The following FBP1 variants were observed in gnomAD, a reference collection of about 807,000 sequenced individuals.
FBP1 encodes fructose-bisphosphatase 1.
FBP1 carries 22 observed loss-of-function variants against 29.9 expected under a neutral mutation model. That is an observed-to-expected ratio of 0.74 (90% CI 0.53 to 1.05). The LOEUF (loss-of-function observed/expected upper bound fraction) is 1.05, where lower values mean the gene tolerates loss of function less well. Ranked by LOEUF, FBP1 falls within the 50% of genes least tolerant of loss-of-function variation. The pLI is 0.00. For synonymous variants in FBP1, 175 were observed against 178.6 expected (o/e 0.98, Z 0.16); for missense variants, 345 against 448.2 (o/e 0.77, Z 2.08).
intron 1 of FBP1, among the ~76,000 whole-genome samples, chr9:94,629,043 G>A (rs535414782): frequency 1.3e-5 from 2 of 152,286 alleles, no homozygotes; most frequent in South Asian, 4.1e-4. Flanking sequence ...GTGCAATGGC[G>A]AGATCTTGGC....
upstream of FBP1, among the ~76,000 whole-genome samples, chr9:94,639,730 C>CA (rs1554682852): frequency 2.0e-4 from 30 of 149,548 alleles, no homozygotes; most frequent in African/African-American, 7.1e-4. Context: ...TGTCGCCCCC[C>CA]ACACACACCC....
intron 3 of FBP1, among the ~76,000 whole-genome samples, chr9:94,612,473 C>G (rs1827799390): frequency 6.6e-6 from 1 of 151,858 alleles, no homozygotes; most frequent in Non-Finnish European, 1.5e-5. Flanking sequence ...GTCTATGACC[C>G]ACATACTCAA....
intron 1 of FBP1, among the ~76,000 whole-genome samples, chr9:94,628,584 A>G (rs1828059048): frequency 1.3e-5 from 2 of 152,160 alleles, no homozygotes; most frequent in Non-Finnish European, 2.9e-5. Flanking sequence ...TACTGTTGGC[A>G]ACAGAATTTA....
chr9:94,632,210 G>A (rs1340733650), intron 1 of FBP1, among the ~76,000 whole-genome samples: 1 of 151,992 alleles, frequency 6.6e-6, no homozygotes, highest in African/African-American at 2.4e-5. Flanking sequence ...TAACTCTTCT[G>A]GACATAATAT....
chr9:94,629,797 A>G (rs762892361), intron 1 of FBP1, among the ~76,000 whole-genome samples: 6 of 152,144 alleles, frequency 3.9e-5, no homozygotes, highest in Non-Finnish European at 7.4e-5. Context: ...GAGGGAGGGC[A>G]CAGACAGGGC....
At chr9:94,612,880 C>G (rs1323316866) in intron 3 of FBP1, among the ~76,000 whole-genome samples, 1 of 152,128 alleles carries the variant, frequency 6.6e-6, no homozygotes, top group Non-Finnish European at 1.5e-5. Flanking sequence ...CAATGCATGC[C>G]TTTCCTCCAA....
intron 1 of FBP1, among the ~76,000 whole-genome samples, chr9:94,633,305 C>T (rs1390480387): frequency 6.6e-6 from 1 of 152,194 alleles, no homozygotes; most frequent in Non-Finnish European, 1.5e-5. Context: ...CTGGTTTTCC[C>T]ATATCCTATC....
chr9:94,613,508 T>C (rs1209653790), intron 3 of FBP1, among the ~76,000 whole-genome samples: 1 of 148,662 alleles, frequency 6.7e-6, no homozygotes, highest in African/African-American at 2.5e-5. Context: ...CTCATGCCCG[T>C]AATCCCAACA....
intron 1 of FBP1, among the ~76,000 whole-genome samples, chr9:94,626,019 G>A (rs926436509): frequency 2.0e-5 from 3 of 152,212 alleles, no homozygotes; most frequent in Non-Finnish European, 4.4e-5. Flanking sequence ...CCTGCTTCGC[G>A]TTTCCATGAC....
chr9:94,633,393 CTT>C (rs997489597), intron 1 of FBP1, among the ~76,000 whole-genome samples: 5 of 152,204 alleles, frequency 3.3e-5, no homozygotes, highest in Non-Finnish European at 1.5e-5. Context: ...ACTCAAAAAA[CTT>C]TCAAAATCCT....
At chr9:94,611,098 C>G (rs1336866297) in intron 3 of FBP1, among the ~76,000 whole-genome samples, 1 of 152,038 alleles carries the variant, frequency 6.6e-6, no homozygotes, top group East Asian at 1.9e-4. Context: ...TTCCTGACCT[C>G]GTGATCCACC....
At chr9:94,633,241 C>T (rs1243531037) in intron 1 of FBP1, among the ~76,000 whole-genome samples, 1 of 152,164 alleles carries the variant, frequency 6.6e-6, no homozygotes, top group Non-Finnish European at 1.5e-5. Flanking sequence ...TCCTTCCTCT[C>T]CCCTCCAAGG....
At chr9:94,606,998 G>C (rs1563979301) in intron 4 of FBP1, 46 bp from the exon 5 acceptor site, 1 of 1,613,030 alleles carries the variant, frequency 6.2e-7, no homozygotes, top group Non-Finnish European at 8.5e-7. Context: ...GAGCGCACTG[G>C]GTCCCCCAGG....
chr9:94,603,735 T>A (rs1827649673), intron 6 of FBP1, 163 bp from the exon 7 acceptor site: 8 of 704,100 alleles, frequency 1.1e-5, no homozygotes, highest in South Asian at 1.1e-4. Context: ...CCACCCCAGG[T>A]TGCATCTGAG....
At chr9:94,608,972 G>A (rs1020498865) in intron 4 of FBP1, among the ~76,000 whole-genome samples, 5 of 152,110 alleles carry the variant, frequency 3.3e-5, no homozygotes, top group South Asian at 2.1e-4. Flanking sequence ...AGGCTGAGGC[G>A]GGCAGATCAC....
Position 94,603,513 on chromosome 9 carries a change from C to T in FBP1, c.885G>A (p.Met295Ile). ...MAYVMEKAGG[M>I]ATTGKEAVLD... ...ACACGGCCTCCTTCCCAGTGGTGGC[C>T]ATTCCCCCAGCCTTCTCCATGACGT... The change falls in exon 7 of 7, where the codon ATG (methionine) becomes ATA (isoleucine). Residue 295 changes from methionine to isoleucine, a missense_variant. By Grantham distance (10) the Met-to-Ile change is conservative (BLOSUM62 1). Coordinates refer to ENST00000375326, the MANE Select transcript of FBP1 (RefSeq NM_000507.4). 3 of 1,614,176 alleles carry T rather than the reference C, an allele frequency of 1.9e-6. No homozygotes were observed. In the South Asian group the frequency reaches 3.3e-5, roughly 18 times the overall value.
At chr9:94,618,144 A>C (rs966225360) in intron 2 of FBP1, among the ~76,000 whole-genome samples, 13 of 152,202 alleles carry the variant, frequency 8.5e-5, no homozygotes, top group African/African-American at 3.1e-4. Context: ...TAATCAAATC[A>C]TAATTTTGCA....
chr9:94,623,130 G>A (rs762447109), intron 1 of FBP1, among the ~76,000 whole-genome samples: 1 of 151,928 alleles, frequency 6.6e-6, no homozygotes, highest in East Asian at 1.9e-4. Context: ...GACTATAGCC[G>A]TATGCCACCA....
intron 1 of FBP1, among the ~76,000 whole-genome samples, chr9:94,628,336 A>G (rs1022119653): frequency 1.3e-5 from 2 of 149,246 alleles, no homozygotes; most frequent in Non-Finnish European, 3.0e-5. Context: ...CAGTGAGCCA[A>G]GGTCACACCA....
Sources: allele counts gnomAD v4.1 joint callset (sites outside exome capture counted in the v4.1 genomes callset), GRCh38; gene constraint gnomAD v4.1.1; transcripts MANE v1.5; gene names NCBI Gene and HGNC (gene_info 2026-07-23, HGNC 2026-07-21).